The following TBC1D20 variants were observed in gnomAD, a reference collection of about 807,000 sequenced individuals.
The protein encoded by TBC1D20 is TBC1 domain family member 20.
A neutral mutation model predicts 41.6 loss-of-function variants in TBC1D20; 12 were observed. That is an observed-to-expected ratio of 0.29 (90% confidence interval 0.18 to 0.47). The LOEUF is 0.47. Ranked by LOEUF, TBC1D20 falls within the 20% of genes least tolerant of loss-of-function variation. The pLI, the probability that TBC1D20 is intolerant of heterozygous loss-of-function variation, is 1.00. For synonymous variants in TBC1D20, 205 were observed against 204.8 expected, an observed-to-expected ratio of 1.00 and a Z score of -0.01; for missense variants, 421 against 517.4, an observed-to-expected ratio of 0.81 and a Z score of 1.81.
intron 1 of TBC1D20, among the ~76,000 whole-genome samples, chr20:461,079 T>C (rs543080011): frequency 9.9e-5 from 15 of 152,278 alleles, no homozygotes; most frequent in Admixed American, 5.2e-4. Context: ...AAATAAAATA[T>C]AGATACCAGG....
chr20:437,338 T>G lies in TBC1D20; in HGVS notation c.*1248A>C, dbSNP rs1230270452. 2 of 152,474 alleles carry G rather than the reference T, an allele frequency of 1.3e-5. No homozygotes were observed. Among genetic ancestry groups the G allele is most frequent in the Non-Finnish European group, 2.9e-5 (2 of 68,054 alleles). The allele number at this position is 152,474 out of a possible 1,614,324, so 9.4% of individuals were successfully genotyped here. ...CCAGGAAAGACCAGGAAAATACAAG[T>G]ACATGGCTGCTTCATACCATATACC... On this transcript the variant is annotated 3_prime_UTR_variant, in exon 8 of 8. Coordinates refer to ENST00000354200, the MANE Select transcript of TBC1D20 (RefSeq NM_144628.4).
intron 3 of TBC1D20, 34 bp from the exon 4 acceptor site, chr20:442,077 C>A (rs1382973558): frequency 6.5e-7 from 1 of 1,545,736 alleles, no homozygotes; most frequent in Non-Finnish European, 8.8e-7. Context: ...TTTGAACATA[C>A]CAAGCAGCCT....
At chr20:440,013 GA>G (rs1431958162) in intron 6 of TBC1D20, among the ~76,000 whole-genome samples, 2 of 152,200 alleles carry the variant, frequency 1.3e-5, no homozygotes, top group African/African-American at 4.8e-5. Flanking sequence ...TAAAGGTTCA[GA>G]AGTGTCATGC....
chr20:451,046 C>T (rs191289093), intron 1 of TBC1D20, among the ~76,000 whole-genome samples: 15 of 152,262 alleles, frequency 9.9e-5, no homozygotes, highest in African/African-American at 3.1e-4. Context: ...CACAAGACAA[C>T]ACCAAACGTC....
chr20:442,855 T>G (rs1424171784), intron 3 of TBC1D20, among the ~76,000 whole-genome samples: 1 of 152,182 alleles, frequency 6.6e-6, no homozygotes, highest in African/African-American at 2.4e-5. Context: ...CCCAGCACTT[T>G]GGGAGGCAGA....
At chr20:459,072 C>T (rs2017588666) in intron 1 of TBC1D20, among the ~76,000 whole-genome samples, 1 of 152,174 alleles carries the variant, frequency 6.6e-6, no homozygotes, top group South Asian at 2.1e-4. Context: ...ACAGAAAATT[C>T]AAGTGAGCTA....
At chr20:451,054 G>A (rs1236621874) in intron 1 of TBC1D20, among the ~76,000 whole-genome samples, 3 of 152,150 alleles carry the variant, frequency 2.0e-5, no homozygotes, top group African/African-American at 4.8e-5. Context: ...AACACCAAAC[G>A]TCACAAGGCA....
At chr20:440,085 T>C (rs2017198196) in intron 6 of TBC1D20, among the ~76,000 whole-genome samples, 163 bp downstream of exon 6, 1 of 152,240 alleles carries the variant, frequency 6.6e-6, no homozygotes, top group Non-Finnish European at 1.5e-5. Flanking sequence ...TTTTTGTGTG[T>C]GACACCCCCA....
At position 438,616 on chromosome 20, in the gene TBC1D20, G is replaced by A. The variant is rs753314337; in HGVS notation, c.1182C>T (p.Ala394=). 1 of 1,614,032 alleles carries A rather than the reference G, an allele frequency of 6.2e-7. No individual in the cohort carries two copies. Among genetic ancestry groups the A allele is most frequent in the African/African-American group, 1.3e-5 (1 of 74,918 alleles). The change falls in exon 8 of 8, where the codon GCC becomes GCT. Residue 394 remains alanine (A), a synonymous_variant. Coordinates refer to ENST00000354200, the MANE Select transcript of TBC1D20 (RefSeq NM_144628.4). ...GAAACAGCTGCAGCTGAAACTTAGG[G>A]GCCCATTCCAGGGCACTTTTCACCA... ...LAVVKSALEW[A]PKFQLQLFP is the part of the protein sequence containing the mutation.
rs1047133720 is a variant in TBC1D20, at chr20:454,007, G to A, written c.71-5933C>T. Among the ~76,000 whole-genome samples the A allele has an allele frequency of 5.4e-5, 8 of 148,812 alleles. 1 individual carries two copies. The highest frequency in any genetic ancestry group is 1.5e-4 in the African/African-American group (6 of 39,680). ...TGCAATTCCAGCAGTTTGGGAGGCC[G>A]AGGTGGGCAGATCATGAGGTCAGGA... On this transcript the variant is annotated intron_variant, in intron 1 of 7. Coordinates refer to ENST00000354200, the MANE Select transcript of TBC1D20 (RefSeq NM_144628.4).
intron 1 of TBC1D20, among the ~76,000 whole-genome samples, chr20:456,741 T>G (rs2017547008): frequency 6.6e-6 from 1 of 150,488 alleles, no homozygotes; most frequent in Non-Finnish European, 1.5e-5. Flanking sequence ...ATTTTTTGTA[T>G]TTTTAGTGGA....
chr20:447,826 T>G, intron 2 of TBC1D20, 63 bp downstream of exon 2: 1 of 1,414,272 alleles, frequency 7.1e-7, no homozygotes, highest in Non-Finnish European at 9.5e-7. Flanking sequence ...TTAAAGATCC[T>G]GGAATTCTTT....
intron 1 of TBC1D20, among the ~76,000 whole-genome samples, chr20:460,206 A>G (rs2017605152): frequency 6.6e-6 from 1 of 151,478 alleles, no homozygotes; most frequent in Admixed American, 6.6e-5. Context: ...AAACAATGGA[A>G]GGGGGGGGCC....
At chr20:456,483 T>TC (rs1184337987) in intron 1 of TBC1D20, among the ~76,000 whole-genome samples, 2 of 152,210 alleles carry the variant, frequency 1.3e-5, no homozygotes, top group African/African-American at 4.8e-5. Context: ...CTTGAAGGGC[T>TC]CACAGTAGGG....
intron 1 of TBC1D20, among the ~76,000 whole-genome samples, chr20:451,983 A>G (rs1293197140): frequency 6.6e-6 from 1 of 152,158 alleles, no homozygotes; most frequent in African/African-American, 2.4e-5. Flanking sequence ...CTTTCACTGT[A>G]AAGATGATAC....
chr20:462,291 G>C, intron 1 of TBC1D20, 45 bp downstream of exon 1: 1 of 1,239,406 alleles, frequency 8.1e-7, no homozygotes, highest in Non-Finnish European at 1.0e-6. Context: ...TGCCCCCCGG[G>C]CCGCCCTCGC....
intron 1 of TBC1D20, among the ~76,000 whole-genome samples, chr20:449,104 CA>C (rs1184152198): frequency 6.8e-6 from 1 of 147,482 alleles, no homozygotes; most frequent in Non-Finnish European, 1.5e-5. Context: ...CTCGGTCTCC[CA>C]AAGTGCTAGG....
chr20:456,766 A>G (rs1342695643), intron 1 of TBC1D20, among the ~76,000 whole-genome samples: 1 of 150,498 alleles, frequency 6.6e-6, no homozygotes, highest in Non-Finnish European at 1.5e-5. Flanking sequence ...GGGTTTTGCC[A>G]TGTTGGCCAG....
At chr20:458,330 TA>T (rs199805485) in intron 1 of TBC1D20, among the ~76,000 whole-genome samples, 2,724 of 147,272 alleles carry the variant, frequency 0.018, 68 homozygotes, top group African/African-American at 0.055. Flanking sequence ...TTTTTTTTTT[TA>T]GAGACAGGGT....
Sources: gnomAD v4.1 joint callset for allele counts (sites outside exome capture counted in the v4.1 genomes callset) on GRCh38, gnomAD v4.1.1 for gene constraint, MANE v1.5 for transcripts, NCBI Gene and HGNC (gene_info 2026-07-23, HGNC 2026-07-21) for gene names.